The following ATP2A2 variants were observed in gnomAD, a reference collection of about 807,000 sequenced individuals.
ATP2A2 encodes ATPase sarcoplasmic/endoplasmic reticulum Ca2+ transporting 2, also known as sarcoplasmic/endoplasmic reticulum calcium ATPase 2.
Under a neutral mutation model 109.3 loss-of-function variants are expected in ATP2A2, and 14 were observed. The ratio of observed to expected loss-of-function variants is 0.13; its 90% confidence interval spans 0.08 to 0.20. The LOEUF is 0.20. ATP2A2 is among the 10% of genes least tolerant of loss of function. The pLI is 1.00. For missense variants in ATP2A2, 657 were observed against 1,321.6 expected (o/e 0.50, Z 7.80); for synonymous variants, 506 against 490.9 (o/e 1.03, Z -0.41).
intron 5 of ATP2A2, among the ~76,000 whole-genome samples, chr12:110,315,433 A>AAT (rs1364127251): frequency 6.6e-6 from 1 of 152,066 alleles, no homozygotes; most frequent in Admixed American, 6.6e-5. Context: ...TATGAGCTAA[A>AAT]ATATATTTTG....
intron 5 of ATP2A2, among the ~76,000 whole-genome samples, chr12:110,298,631 T>C (rs1874221647): frequency 6.6e-6 from 1 of 152,058 alleles, no homozygotes; most frequent in Non-Finnish European, 1.5e-5. Context: ...GGCAGGAGAA[T>C]CTCTTAAACC....
chr12:110,341,007 G>A lies in ATP2A2; in HGVS notation c.2097+13G>A, dbSNP rs1390505283. On this transcript the variant is annotated intron_variant, in intron 14 of 19. Transcript: ENST00000539276. ...GATTACAGCTATGGTGAGCATGTTT[G>A]AACATGTACAGGTGACTCAGGCTAC... The A allele has an allele frequency of 6.8e-6, 11 of 1,613,600 alleles. No individual in the cohort carries two copies. Among genetic ancestry groups the A allele is most frequent in the Non-Finnish European group, 8.5e-6 (10 of 1,179,610 alleles).
chr12:110,316,114 T>C (rs1876642981), intron 5 of ATP2A2, among the ~76,000 whole-genome samples: 1 of 152,246 alleles, frequency 6.6e-6, no homozygotes, highest in Non-Finnish European at 1.5e-5. Flanking sequence ...AAAATGTTTA[T>C]TTCCAAGTTA....
chr12:110,312,862 A>T (rs536761162), intron 5 of ATP2A2, among the ~76,000 whole-genome samples: 1 of 151,978 alleles, frequency 6.6e-6, no homozygotes, highest in Non-Finnish European at 1.5e-5. Context: ...AAAAAAAAAA[A>T]AAAGAAAACA....
intron 5 of ATP2A2, among the ~76,000 whole-genome samples, chr12:110,302,130 A>T (rs937317717): frequency 1.3e-5 from 2 of 152,284 alleles, no homozygotes; most frequent in East Asian, 3.9e-4. Context: ...GTGGTAAAGT[A>T]TACATATTAT....
rs900662483 is a variant in ATP2A2 at position 110,349,134 on chromosome 12, G to A, written c.*2664G>A. 28 of 985,480 alleles carry A rather than the reference G, an allele frequency of 2.8e-5. No individual in the cohort carries two copies. Among genetic ancestry groups the A allele is most frequent in the Non-Finnish European group, 3.3e-5 (27 of 829,962 alleles). 61.0% of individuals were successfully genotyped at this position (985,480 alleles called of 1,614,324 possible). On this transcript the variant is annotated 3_prime_UTR_variant, in exon 20 of 20. Coordinates refer to ENST00000539276, the MANE Select transcript of ATP2A2 (RefSeq NM_170665.4). ...CTGGGAGTGGGTTAGGCCCACTGCT[G>A]TTTTGAGCAGGGCCACTTGCTCCAT...
intron 5 of ATP2A2, among the ~76,000 whole-genome samples, chr12:110,316,328 C>G (rs1208485908): frequency 6.6e-6 from 1 of 152,156 alleles, no homozygotes; most frequent in African/African-American, 2.4e-5. Flanking sequence ...TCCCCCCATT[C>G]CTAAATTTCT....
Position 110,350,161 on chromosome 12 carries a change from G to C in ATP2A2, c.*3691G>C. On this transcript the variant is annotated 3_prime_UTR_variant, in exon 20 of 20. Coordinates refer to ENST00000539276, the MANE Select transcript of ATP2A2 (RefSeq NM_170665.4). Reference sequence around the variant, plus strand: ...ACAGTAAATCAGAAATGCTGGTCTTGAAACCTTGAAAAGATCAAGCTGAAT... The same window carrying C: ...ACAGTAAATCAGAAATGCTGGTCTTCAAACCTTGAAAAGATCAAGCTGAAT... 2 of 1,581,202 alleles carry C rather than the reference G, an allele frequency of 1.3e-6. No homozygotes were observed. The highest frequency in any genetic ancestry group is 1.7e-6 in the Non-Finnish European group (2 of 1,163,432).
chr12:110,333,026 A>T (rs564180830), intron 9 of ATP2A2, among the ~76,000 whole-genome samples, 155 bp from the exon 10 acceptor site: 4 of 151,650 alleles, frequency 2.6e-5, no homozygotes, highest in Non-Finnish European at 2.9e-5. Flanking sequence ...TTTTTGTCTA[A>T]TATTGGCTCT....
rs190123800 is a variant in ATP2A2 at position 110,295,374 on chromosome 12, G to C, written c.325-1225G>C. On this transcript the variant is annotated intron_variant, in intron 4 of 19. Coordinates refer to ENST00000539276, the MANE Select transcript of ATP2A2 (RefSeq NM_170665.4). ...ACACTGTCTCGTTATGTTCAGCCCA[G>C]GTTGGTCTGGAACTCTTGGGCTCAA... Among the ~76,000 whole-genome samples the C allele has an allele frequency of 2.1e-3, 313 of 152,130 alleles. 3 individuals are homozygous for C. The highest frequency in any genetic ancestry group is 7.3e-3 in the African/African-American group (305 of 41,502).
Position 110,327,548 on chromosome 12 carries a change from C to T in ATP2A2, c.631-5C>T, listed in dbSNP as rs188765221. ...CTTGTGACCAGTTCTCTACTTCTGT[C>T]CTAGGGTACAAACATTGCTGCTGGG... is the stretch of plus-strand genomic sequence containing the variant. On this transcript the variant is annotated splice_region_variant and splice_polypyrimidine_tract_variant and intron_variant, in intron 7 of 19. Coordinates refer to ENST00000539276, the MANE Select transcript of ATP2A2 (RefSeq NM_170665.4). The surrounding 1 kb of genome is among the most constrained non-coding windows in gnomAD (Gnocchi z 4.4). 7 of 1,613,218 alleles carry T rather than the reference C, an allele frequency of 4.3e-6. No homozygotes were observed. The African/African-American group carries it at 6.7e-5, about 15-fold the overall frequency.
chr12:110,326,536 A>C (rs1267240352), intron 7 of ATP2A2, 61 bp downstream of exon 7: 12 of 1,447,358 alleles, frequency 8.3e-6, no homozygotes, highest in Non-Finnish European at 1.1e-5. Flanking sequence ...ATCAAATGTT[A>C]TGTTTTTCAC....
chr12:110,347,811 G>GA lies in ATP2A2; in HGVS notation c.*1342dup. The GA allele has an allele frequency of 9.6e-7, 1 of 1,045,802 alleles. No individual in the cohort carries two copies. The highest frequency in any genetic ancestry group is 1.2e-6 in the Non-Finnish European group (1 of 865,806). 64.8% of individuals were successfully genotyped at this position (1,045,802 alleles called of 1,614,324 possible). A position where few individuals can be genotyped will look rare whatever the true frequency, so the allele number is the denominator to read the frequency against. On this transcript the variant is annotated 3_prime_UTR_variant, in exon 20 of 20. Transcript: ENST00000539276. ...ACTAACGTGAGTATTTTCTTCCTGG[G>GA]ATTTGGATGCTTTAGCCTAAAGGTG...
chr12:110,317,149 A>G (rs1452463565), intron 5 of ATP2A2, among the ~76,000 whole-genome samples: 1 of 152,198 alleles, frequency 6.6e-6, no homozygotes, highest in Admixed American at 6.5e-5. Context: ...TATGACTCAA[A>G]TTGGAAACAC....
intron 3 of ATP2A2, among the ~76,000 whole-genome samples, chr12:110,288,201 C>G (rs1872865383): frequency 6.8e-6 from 1 of 146,902 alleles, no homozygotes; most frequent in Non-Finnish European, 1.5e-5. Flanking sequence ...ACCTCAAACT[C>G]CTGGTTTCAA....
rs948001601 is a variant in ATP2A2 at position 110,339,163 on chromosome 12, T to G, written c.1420-118T>G. 49 of 1,413,830 alleles carry G rather than the reference T, an allele frequency of 3.5e-5. No individual in the cohort carries two copies. Among genetic ancestry groups the G allele is most frequent in the Middle Eastern group, 2.4e-4 (1 of 4,098 alleles). The allele number at this position is 1,413,830 out of a possible 1,614,324, so 87.6% of individuals were successfully genotyped here. A position where few individuals can be genotyped will look rare whatever the true frequency, so the allele number is the denominator to read the frequency against. ...AGTTTCATGAGGGCAAAAACCTGTCTGTTTTGTTTATTGCTATATTCCTAG... is the reference window on the plus strand; with the variant it reads ...AGTTTCATGAGGGCAAAAACCTGTCGGTTTTGTTTATTGCTATATTCCTAG... On this transcript the variant is annotated intron_variant, in intron 11 of 19. Transcript: ENST00000539276. The surrounding 1 kb of genome is among the most constrained non-coding windows in gnomAD (Gnocchi z 4.4).
chr12:110,327,414 G>C lies in ATP2A2; in HGVS notation c.631-139G>C, dbSNP rs1283922661. 1 of 817,014 alleles carries C rather than the reference G, an allele frequency of 1.2e-6. No individual in the cohort carries two copies. The highest frequency in any genetic ancestry group is 1.7e-5 in the African/African-American group (1 of 59,856). 50.6% of individuals were successfully genotyped at this position (817,014 alleles called of 1,614,324 possible). A position where few individuals can be genotyped will look rare whatever the true frequency, so the allele number is the denominator to read the frequency against. On this transcript the variant is annotated intron_variant, in intron 7 of 19. Transcript: ENST00000539276. This position sits in a 1 kb window ranked among gnomAD's most constrained non-coding sequence, Gnocchi z 4.4. The stretch of plus-strand genomic sequence containing the variant: ...CATTGCTTGTTGTCACAGTTGTATG[G>C]CTGGTTGCTTGAACAGTAGCCAGTG...
intron 10 of ATP2A2, 80 bp downstream of exon 10, chr12:110,333,363 T>G (rs1878532025): frequency 2.3e-5 from 30 of 1,315,208 alleles, no homozygotes; most frequent in Non-Finnish European, 3.2e-5. Flanking sequence ...CTAGCCTGCC[T>G]TCCTCCCTTT....
At chr12:110,300,393 C>T (rs527565435) in intron 5 of ATP2A2, among the ~76,000 whole-genome samples, 78 of 130,970 alleles carry the variant, frequency 6.0e-4, no homozygotes, top group Non-Finnish European at 7.2e-4. Flanking sequence ...CTTGAACTGT[C>T]GCCCAGGCTG....
Sources: allele counts gnomAD v4.1 joint callset (sites outside exome capture counted in the v4.1 genomes callset), GRCh38; gene constraint gnomAD v4.1.1; non-coding constraint Gnocchi (gnomAD v3.1); transcripts MANE v1.5; gene names NCBI Gene and HGNC (gene_info 2026-07-23, HGNC 2026-07-21).